The following SLC16A7 variants were observed in gnomAD, a reference collection of about 807,000 sequenced individuals.
The protein encoded by SLC16A7 is solute carrier family 16 member 7, also known as monocarboxylate transporter 2.
In SLC16A7, 33 loss-of-function variants were observed where a neutral mutation model predicts 34.9. The ratio of observed to expected loss-of-function variants is 0.94; its 90% CI spans 0.72 to 1.26. SLC16A7 has a LOEUF of 1.26. SLC16A7 is among the 50% of genes most tolerant of loss of function. The pLI, the probability that SLC16A7 is intolerant of heterozygous loss-of-function variation, is 0.00. For synonymous variants in SLC16A7, 201 were observed against 206.6 expected (o/e 0.97, Z 0.23); for missense variants, 573 against 578.1 (o/e 0.99, Z 0.09).
chr12:59,765,690 A>G (rs1427626595), intron 3 of SLC16A7, among the ~76,000 whole-genome samples: 1 of 152,150 alleles, frequency 6.6e-6, no homozygotes, highest in Non-Finnish European at 1.5e-5. Flanking sequence ...CCGTTGGTCT[A>G]TATCTCTGTT....
chr12:59,622,691 T>G (rs1468210010), intron 1 of SLC16A7, among the ~76,000 whole-genome samples: 1 of 151,812 alleles, frequency 6.6e-6, no homozygotes, highest in Non-Finnish European at 1.5e-5. Flanking sequence ...CTCCCAGCAC[T>G]GTTCGAAACA....
intron 2 of SLC16A7, among the ~76,000 whole-genome samples, chr12:59,683,329 G>A (rs1233887143): frequency 1.3e-5 from 2 of 152,178 alleles, no homozygotes; most frequent in African/African-American, 4.8e-5. Flanking sequence ...AATCTGAGAA[G>A]TACTGTTGCG....
chr12:59,648,474 T>C (rs1445569466), intron 1 of SLC16A7, among the ~76,000 whole-genome samples: 1 of 152,148 alleles, frequency 6.6e-6, no homozygotes, highest in Non-Finnish European at 1.5e-5. Context: ...ATTTAAACCT[T>C]TTTTTTCTAT....
rs1442384665 is a variant in SLC16A7, at chr12:59,779,777, TGAG to T, written c.*102_*104del. 2.1e-6 allele frequency: 2 copies of T among 967,178 alleles called. No individual in the cohort carries two copies. Among genetic ancestry groups the T allele is most frequent in the South Asian group, 1.8e-5 (1 of 55,450 alleles). 59.9% of individuals were successfully genotyped at this position (967,178 alleles called of 1,614,324 possible). A position where few individuals can be genotyped will look rare whatever the true frequency, so the allele number is the denominator to read the frequency against. On this transcript the variant is annotated 3_prime_UTR_variant, in exon 6 of 6. Coordinates refer to ENST00000547379, the MANE Select transcript of SLC16A7 (RefSeq NM_001270623.2). ...GTATTAGAAAAGGTTTTAGCTGAAA[TGAG>T]GAGTCACAATTAAGGATGGAGGTGA...
In SLC16A7 at chr12:59,605,779, C is replaced by G. The variant is rs377713676; in HGVS notation, c.-130+9543C>G. On this transcript the variant is annotated intron_variant, in intron 1 of 5. Coordinates refer to ENST00000547379, the MANE Select transcript of SLC16A7 (RefSeq NM_001270623.2). The stretch of plus-strand genomic sequence containing the variant: ...AGCCAGTCTTATTCTGTAGTTATCT[C>G]TTTATTCTCTTTTCCTTTTTTCTCA... 9.0e-4 allele frequency among the ~76,000 whole-genome samples: 137 copies of G among 152,248 alleles called. 4 individuals are homozygous for G. Among genetic ancestry groups the G allele is most frequent in the Middle Eastern group, 3.4e-3 (1 of 294 alleles).
At chr12:59,689,888 T>C (rs184160275) in intron 2 of SLC16A7, among the ~76,000 whole-genome samples, 3 of 152,006 alleles carry the variant, frequency 2.0e-5, no homozygotes, top group Non-Finnish European at 4.4e-5. Flanking sequence ...CTCTAAGGAA[T>C]TCTAAACTTT....
At chr12:59,724,984 T>C (rs374131747) in intron 3 of SLC16A7, among the ~76,000 whole-genome samples, 11 of 142,270 alleles carry the variant, frequency 7.7e-5, no homozygotes, top group African/African-American at 3.4e-4. Context: ...ACGTAATGCA[T>C]GCTCAAAAAT....
At chr12:59,755,265 C>T (rs1880165025) in intron 3 of SLC16A7, among the ~76,000 whole-genome samples, 1 of 152,182 alleles carries the variant, frequency 6.6e-6, no homozygotes, top group South Asian at 2.1e-4. Context: ...GGCAATTAGG[C>T]AGGGGAAGGA....
At chr12:59,624,707 T>G (rs1057072357) in intron 1 of SLC16A7, among the ~76,000 whole-genome samples, 2 of 151,518 alleles carry the variant, frequency 1.3e-5, no homozygotes, top group African/African-American at 4.8e-5. Context: ...GCACCAAATT[T>G]AGAGGCAGAC....
intron 1 of SLC16A7, among the ~76,000 whole-genome samples, chr12:59,645,739 T>C (rs893872242): frequency 6.6e-6 from 1 of 152,060 alleles, no homozygotes; most frequent in Non-Finnish European, 1.5e-5. Flanking sequence ...AGGCTGAGGT[T>C]GGAACAGTTT....
chr12:59,760,819 G>T (rs1332655674), intron 3 of SLC16A7, among the ~76,000 whole-genome samples: 3 of 152,034 alleles, frequency 2.0e-5, no homozygotes, highest in African/African-American at 7.2e-5. Context: ...TTTATTTCTG[G>T]AATTTTCCAT....
chr12:59,631,957 A>G lies in SLC16A7; in HGVS notation c.-129-23195A>G, dbSNP rs548072254. On this transcript the variant is annotated intron_variant, in intron 1 of 5. Transcript: ENST00000547379. ...GTGGGAAGTGGGGTGGGAAGAAATA[A>G]ATAAGCAAATAAATTACTATAAGAC... 1.3e-4 allele frequency among the ~76,000 whole-genome samples: 20 copies of G among 152,062 alleles called. No individual in the cohort carries two copies. In the South Asian group the frequency reaches 4.1e-3, roughly 31 times the overall value.
At chr12:59,642,155 A>G (rs1377867325) in intron 1 of SLC16A7, among the ~76,000 whole-genome samples, 3 of 152,060 alleles carry the variant, frequency 2.0e-5, no homozygotes, top group Non-Finnish European at 4.4e-5. Context: ...AAGTATTTCA[A>G]AATGAATTTG....
chr12:59,734,294 T>C (rs762385109), intron 3 of SLC16A7: 4 of 160,120 alleles, frequency 2.5e-5, no homozygotes, highest in Non-Finnish European at 5.5e-5. Context: ...CCAGGCAGGA[T>C]TGGCATGTCA....
chr12:59,692,463 G>A (rs923499533), intron 2 of SLC16A7, among the ~76,000 whole-genome samples: 1 of 151,922 alleles, frequency 6.6e-6, no homozygotes, highest in African/African-American at 2.4e-5. Context: ...GTCAGCTGTG[G>A]AATTTGTCAC....
At chr12:59,613,737 G>T (rs1879309939) in intron 1 of SLC16A7, among the ~76,000 whole-genome samples, 1 of 152,136 alleles carries the variant, frequency 6.6e-6, no homozygotes, top group African/African-American at 2.4e-5. Context: ...TGTTAATTGA[G>T]AACTTTTATG....
Position 59,734,355 on chromosome 12 carries a change from C to T in SLC16A7, c.217+29337C>T, listed in dbSNP as rs546781825. The stretch of plus-strand genomic sequence containing the variant: ...GCCAGATCACAACAGCACCCAGGCT[C>T]GGCTTCAACTTTAACCTTAAATCTG... On this transcript the variant is annotated intron_variant, in intron 3 of 5. Coordinates refer to ENST00000547379, the MANE Select transcript of SLC16A7 (RefSeq NM_001270623.2). 1.1e-4 allele frequency among the ~76,000 whole-genome samples: 17 copies of T among 152,336 alleles called. 1 individual carries two copies. The South Asian group carries it at 1.9e-3, about 17-fold the overall frequency.
chr12:59,670,954 T>C (rs1443787775), intron 2 of SLC16A7, among the ~76,000 whole-genome samples: 3 of 151,402 alleles, frequency 2.0e-5, no homozygotes, highest in Non-Finnish European at 4.4e-5. Context: ...ATGAGTCTCC[T>C]CTCTCTTCAT....
chr12:59,666,266 A>C (rs1869199610), intron 2 of SLC16A7, among the ~76,000 whole-genome samples: 1 of 152,126 alleles, frequency 6.6e-6, no homozygotes, highest in Non-Finnish European at 1.5e-5. Context: ...ATTCATTTCG[A>C]TTTTGAAGTA....
Sources: gnomAD v4.1 joint callset for allele counts (sites outside exome capture counted in the v4.1 genomes callset) on GRCh38, gnomAD v4.1.1 for gene constraint, MANE v1.5 for transcripts, NCBI Gene and HGNC (gene_info 2026-07-23, HGNC 2026-07-21) for gene names.